Variants in SPRR2G observed in about 807,000 individuals in gnomAD.
SPRR2G encodes the protein small proline rich protein 2G, also known as small proline-rich protein 2G.
A neutral mutation model predicts 0.7 loss-of-function variants in SPRR2G; 1 was observed. The observed-to-expected ratio is 1.49, with a 90% CI of 0.53 to 7.06. SPRR2G has a LOEUF of 7.06. Ranked by LOEUF, SPRR2G falls within the 30% of genes most tolerant of loss-of-function variation. The pLI is 0.14. For missense variants in SPRR2G, 96 were observed against 88.5 expected (o/e 1.09, Z -0.34); for synonymous variants, 38 against 33.9 (o/e 1.12, Z -0.42).
At chr1:153,176,045 A>G in the SPRR2G span, 1 of 151,948 alleles carries the variant, frequency 6.6e-6, no homozygotes, top group Non-Finnish European at 1.5e-5. Context: ...TGACAGATCA[A>G]AACTCCATCT....
chr1:153,160,597 G>A, the SPRR2G span, among the ~76,000 whole-genome samples: 3 of 118,238 alleles, frequency 2.5e-5, no homozygotes, highest in African/African-American at 8.0e-5. Context: ...AACAACAGGT[G>A]CTGGAGAGGA....
the SPRR2G span, among the ~76,000 whole-genome samples, chr1:153,199,737 A>G: frequency 1.3e-5 from 2 of 152,176 alleles, no homozygotes; most frequent in Admixed American, 1.3e-4. Context: ...TGTAAATAGA[A>G]GTTATTTTTA....
At chr1:153,187,870 C>G in the SPRR2G span, among the ~76,000 whole-genome samples, 1 of 152,228 alleles carries the variant, frequency 6.6e-6, no homozygotes, top group South Asian at 2.1e-4. Context: ...TGCTGACGCC[C>G]TTTGGATGGG....
the SPRR2G span, among the ~76,000 whole-genome samples, chr1:153,158,543 G>A: frequency 2.6e-5 from 4 of 152,326 alleles, no homozygotes; most frequent in Non-Finnish European, 5.9e-5. Context: ...TTGAGTGCCT[G>A]CAGCTTTTCT....
chr1:153,171,467 C>T, the SPRR2G span, among the ~76,000 whole-genome samples: 5 of 152,174 alleles, frequency 3.3e-5, no homozygotes, highest in African/African-American at 9.7e-5. Flanking sequence ...TTGGGTTATA[C>T]GGACTTGTGT....
At chr1:153,158,733 C>G in the SPRR2G span, among the ~76,000 whole-genome samples, 3 of 152,244 alleles carry the variant, frequency 2.0e-5, no homozygotes, top group African/African-American at 7.2e-5. Flanking sequence ...ATCCCTGCAG[C>G]AGACTTCTGC....
chr1:153,154,662 T>A (rs890512341), upstream of SPRR2G, among the ~76,000 whole-genome samples: 4 of 152,198 alleles, frequency 2.6e-5, no homozygotes, highest in African/African-American at 9.6e-5. Flanking sequence ...AAGCAGTCTC[T>A]TAGGATCTTT....
At chr1:153,162,917 G>T in the SPRR2G span, among the ~76,000 whole-genome samples, 1 of 152,232 alleles carries the variant, frequency 6.6e-6, no homozygotes, top group African/African-American at 2.4e-5. Flanking sequence ...TTGGGTCAAA[G>T]AAATATTATC....
chr1:153,167,943 T>A, the SPRR2G span, among the ~76,000 whole-genome samples: 19 of 152,246 alleles, frequency 1.2e-4, no homozygotes, highest in African/African-American at 4.6e-4. Context: ...TAATATTTGC[T>A]ACCCCATGTC....
At chr1:153,172,676 G>A in the SPRR2G span, among the ~76,000 whole-genome samples, 7 of 152,164 alleles carry the variant, frequency 4.6e-5, no homozygotes, top group African/African-American at 1.2e-4. Flanking sequence ...CCCAAAAAAC[G>A]GAAAACTGGG....
chr1:153,153,451 T>C (rs1656514464), upstream of SPRR2G, among the ~76,000 whole-genome samples: 1 of 152,196 alleles, frequency 6.6e-6, no homozygotes, highest in South Asian at 2.1e-4. Context: ...AATACTTCTC[T>C]GACGGACATT....
chr1:153,157,434 T>G, the SPRR2G span, among the ~76,000 whole-genome samples: 1 of 152,222 alleles, frequency 6.6e-6, no homozygotes, highest in Non-Finnish European at 1.5e-5. Context: ...TTTTTGAAGC[T>G]AGGTGATGGG....
the SPRR2G span, chr1:153,191,513 A>G: frequency 1.3e-5 from 2 of 151,884 alleles, no homozygotes; most frequent in African/African-American, 2.4e-5. Flanking sequence ...AAACTAGAAA[A>G]TAACACATTT....
the SPRR2G span, among the ~76,000 whole-genome samples, chr1:153,158,592 G>A: frequency 6.6e-6 from 1 of 152,194 alleles, no homozygotes; most frequent in Non-Finnish European, 1.5e-5. Context: ...CTACCTTTCT[G>A]AAGTCTGAAG....
Position 153,149,976 on chromosome 1 carries a change from A to T in SPRR2G, c.135T>A (p.His45Gln), listed in dbSNP as rs1482707252. ...PYLPPPCPPEHCPPPPCQDKC... is the reference protein window; with the variant it reads ...PYLPPPCPPEQCPPPPCQDKC... ...TATCCTGGCATGGTGGAGGTGGGCA[A>T]TGCTCAGGTGGACAAGGAGGAGGCA... is the stretch of plus-strand genomic sequence containing the variant. Residue 45 changes from histidine to glutamine, a missense_variant, in exon 2 of 2, where the codon CAT becomes CAA. Transcript: ENST00000368748. 1.2e-6 allele frequency: 2 copies of T among 1,614,002 alleles called. No individual in the cohort carries two copies. The highest frequency in any genetic ancestry group is 1.1e-5 in the South Asian group (1 of 91,076).
At chr1:153,183,859 C>T in the SPRR2G span, among the ~76,000 whole-genome samples, 1 of 152,142 alleles carries the variant, frequency 6.6e-6, no homozygotes, top group East Asian at 1.9e-4. Flanking sequence ...TTAGATTTTA[C>T]ATTTAAGTCT....
chr1:153,196,096 A>T, the SPRR2G span, among the ~76,000 whole-genome samples: 144 of 152,314 alleles, frequency 9.5e-4, no homozygotes, highest in African/African-American at 3.3e-3. Flanking sequence ...TATCCTCTTA[A>T]CAAATTGTAA....
upstream of SPRR2G, among the ~76,000 whole-genome samples, chr1:153,154,734 T>C (rs935866405): frequency 6.6e-6 from 1 of 152,040 alleles, no homozygotes; most frequent in African/African-American, 2.4e-5. Context: ...TTAATTTGAA[T>C]CTTCTCTCCT....
At chr1:153,196,268 G>GA in the SPRR2G span, among the ~76,000 whole-genome samples, 1 of 152,126 alleles carries the variant, frequency 6.6e-6, no homozygotes, top group African/African-American at 2.4e-5. Flanking sequence ...TTGATTTAAT[G>GA]AATTTGACTA....
Sources: allele counts gnomAD v4.1 joint callset (sites outside exome capture counted in the v4.1 genomes callset), GRCh38; gene constraint gnomAD v4.1.1; transcripts MANE v1.5; gene names NCBI Gene and HGNC (gene_info 2026-07-23, HGNC 2026-07-21).